APOC4: variants seen among roughly 807,000 people sequenced by gnomAD.
APOC4 encodes apolipoprotein C-IV.
Under a neutral mutation model 8.4 loss-of-function variants are expected in APOC4, and 10 were observed. The observed-to-expected ratio is 1.19, with a 90% CI of 0.74 to 2.03. APOC4 has a LOEUF of 2.03. APOC4 is among the 30% of genes most tolerant of loss of function. The probability of loss-of-function intolerance (pLI) is 0.00; values close to 1 mark genes in which losing one functional copy is unlikely to be tolerated. For synonymous variants in APOC4, 59 were observed against 65.8 expected (o/e 0.90, Z 0.50); for missense variants, 160 against 156.1 (o/e 1.02, Z -0.13).
intron 2 of APOC4, 30 bp from the exon 3 acceptor site, chr19:44,945,110 G>A (rs764088242): frequency 2.1e-5 from 34 of 1,603,764 alleles, no homozygotes; most frequent in Admixed American, 2.1e-4. Context: ...GAGAGCTGGG[G>A]CCTCCACTGT....
intron 1 of APOC4, 139 bp from the exon 2 acceptor site, chr19:44,944,610 G>A: frequency 1.0e-6 from 1 of 1,001,666 alleles, no homozygotes; most frequent in Non-Finnish European, 1.4e-6. Context: ...GGACACATAA[G>A]GGTAAAGGCA....
intron 1 of APOC4, among the ~76,000 whole-genome samples, chr19:44,943,078 C>T (rs1315077327): frequency 3.3e-5 from 5 of 152,114 alleles, no homozygotes; most frequent in South Asian, 4.2e-4. Context: ...CCCACCACCA[C>T]GCCTGGCTAA....
chr19:44,944,016 TGTCTGCCCCTGG>T (rs1970288501), intron 1 of APOC4, among the ~76,000 whole-genome samples: 1 of 152,102 alleles, frequency 6.6e-6, no homozygotes, highest in South Asian at 2.1e-4. Context: ...GCTAAGCCAA[TGTCTGCCCCTGG>T]GGGCAGAAAG....
At position 44,942,411 on chromosome 19, in the gene APOC4, T is replaced by C. The variant is rs751337487; in HGVS notation, c.76+58T>C. The C allele has an allele frequency of 2.6e-6, 4 of 1,553,734 alleles. No homozygotes were observed. In the African/African-American group the frequency reaches 5.4e-5, roughly 21 times the overall value. ...CACACCTGGTGGGTGTGAGTGTGGC[T>C]GTGTGTCCTGTGGCTCTGTAGCCAC... On this transcript the variant is annotated intron_variant, in intron 1 of 2. Transcript: ENST00000592954.
chr19:44,944,717 G>C (rs1229511388), intron 1 of APOC4, 32 bp from the exon 2 acceptor site: 2 of 1,596,598 alleles, frequency 1.3e-6, no homozygotes, highest in East Asian at 2.2e-5. Context: ...TAGGGTCCCA[G>C]CCTACCCAAG....
Position 44,945,483 on chromosome 19 carries a change from A to C in APOC4, c.*178A>C. 11 of 593,076 alleles carry C rather than the reference A, an allele frequency of 1.9e-5. No individual in the cohort carries two copies. Among genetic ancestry groups the C allele is most frequent in the East Asian group, 3.2e-5 (1 of 31,046 alleles). 36.7% of individuals were successfully genotyped at this position (593,076 alleles called of 1,614,324 possible). On this transcript the variant is annotated 3_prime_UTR_variant, in exon 3 of 3. Transcript: ENST00000592954. ...AAAGTTCATACTTCTCCAATAAATA[A>C]AGTCTCACCTGTGTCCCTGTCTGGA...
Position 44,942,417 on chromosome 19 carries a change from T to A in APOC4, c.76+64T>A, listed in dbSNP as rs1156681667. On this transcript the variant is annotated intron_variant, in intron 1 of 2. Coordinates refer to ENST00000592954, the MANE Select transcript of APOC4 (RefSeq NM_001646.3). ...TGGTGGGTGTGAGTGTGGCTGTGTG[T>A]CCTGTGGCTCTGTAGCCACGTGAGA... 4 of 1,532,226 alleles carry A rather than the reference T, an allele frequency of 2.6e-6. No homozygotes were observed. The East Asian group carries it at 6.9e-5, about 27-fold the overall frequency. 94.9% of individuals were successfully genotyped at this position (1,532,226 alleles called of 1,614,324 possible).
intron 1 of APOC4, among the ~76,000 whole-genome samples, chr19:44,942,568 G>A (rs1271900863): frequency 6.6e-6 from 1 of 152,034 alleles, no homozygotes; most frequent in Non-Finnish European, 1.5e-5. Flanking sequence ...ATCTGTGTGT[G>A]TGCACGTGCG....
chr19:44,942,399 TGTGA>T, intron 1 of APOC4, 46 bp downstream of exon 1: 2 of 1,591,486 alleles, frequency 1.3e-6, no homozygotes, highest in Non-Finnish European at 1.7e-6. Flanking sequence ...ACCTGGTGGG[TGTGA>T]GTGTGGCTGT....
intron 2 of APOC4, 115 bp from the exon 3 acceptor site, chr19:44,945,025 T>A: frequency 6.6e-7 from 1 of 1,520,288 alleles, no homozygotes; most frequent in Non-Finnish European, 8.9e-7. Context: ...CTGGGAGGAG[T>A]GGAGGGTTAG....
Position 44,944,666 on chromosome 19 carries a change from C to T in APOC4, c.77-83C>T, listed in dbSNP as rs981021212. Reference sequence around the variant, plus strand: ...GGGGCTGCCCCTGGGCCACCGGGAGCGACACAGGATGAGCATGGAGGGAAA... The same window carrying T: ...GGGGCTGCCCCTGGGCCACCGGGAGTGACACAGGATGAGCATGGAGGGAAA... On this transcript the variant is annotated intron_variant, in intron 1 of 2. Transcript: ENST00000592954. 1.4e-5 allele frequency: 20 copies of T among 1,475,668 alleles called. No individual in the cohort carries two copies. The East Asian group carries it at 1.5e-4, about 11-fold the overall frequency. 91.4% of individuals were successfully genotyped at this position (1,475,668 alleles called of 1,614,324 possible).
Position 44,942,371 on chromosome 19 carries a change from G to A in APOC4, c.76+18G>A, listed in dbSNP as rs771232936. The stretch of plus-strand genomic sequence containing the variant: ...CATTGGGGGTGAGAAGAAGTGGGTG[G>A]AGGGATGTGGGGCCCACACCTGGTG... On this transcript the variant is annotated intron_variant, in intron 1 of 2. Transcript: ENST00000592954. The A allele has an allele frequency of 1.9e-6, 3 of 1,611,996 alleles. No individual in the cohort carries two copies. In the African/African-American group the frequency reaches 4.0e-5, roughly 22 times the overall value.
At position 44,944,853 on chromosome 19, in the gene APOC4, GT is replaced by G; in HGVS notation, c.182del (p.Val61GlyfsTer2). 6.2e-7 allele frequency: 1 copy of G among 1,608,626 alleles called. No individual in the cohort carries two copies. Among genetic ancestry groups the G allele is most frequent in the Non-Finnish European group, 8.5e-7 (1 of 1,178,134 alleles). On this transcript the variant is annotated frameshift_variant, in exon 2 of 3. Coordinates refer to ENST00000592954, the MANE Select transcript of APOC4 (RefSeq NM_001646.3). LOFTEE classifies it low-confidence loss of function (END_TRUNC). Reference protein sequence around the residue: ...RGRMKELLETVVNRTRDGWQW... With the variant: ...RGRMKELLETXVNRTRDGWQW... ...CAGGATGAAGGAGCTGCTGGAGACA[GT>G]GGTGAACAGGACCAGAGACGGGTGG...
chr19:44,943,568 A>C (rs1258766280), intron 1 of APOC4, among the ~76,000 whole-genome samples: 1 of 151,904 alleles, frequency 6.6e-6, no homozygotes, highest in African/African-American at 2.4e-5. Context: ...TCTACTAAAA[A>C]TACAAAAAAT....
In APOC4 at chr19:44,944,744, C is replaced by T; in HGVS notation, c.77-5C>T. 2.5e-6 allele frequency: 4 copies of T among 1,609,526 alleles called. No individual in the cohort carries two copies. The highest frequency in any genetic ancestry group is 2.2e-5 in the East Asian group (1 of 44,736). ...CTACCCAAGTTGCCCTCTGGTTCCA[C>T]CTAGCATGCCAGCCAGAGGCCCAGG... On this transcript the variant is annotated splice_polypyrimidine_tract_variant and splice_region_variant and intron_variant, in intron 1 of 2. Transcript: ENST00000592954.
rs983598006 is a variant in APOC4, at chr19:44,945,496, G to A, written c.*191G>A. ...CTCCAATAAATAAAGTCTCACCTGT[G>A]TCCCTGTCTGGATCCTTCCCCAGTG... On this transcript the variant is annotated 3_prime_UTR_variant, in exon 3 of 3. Transcript: ENST00000592954. 3 of 568,474 alleles carry A rather than the reference G, an allele frequency of 5.3e-6. No individual in the cohort carries two copies. The highest frequency in any genetic ancestry group is 8.9e-6 in the Non-Finnish European group (3 of 335,440). The allele number at this position is 568,474 out of a possible 1,614,324, so 35.2% of individuals were successfully genotyped here. A position where few individuals can be genotyped will look rare whatever the true frequency, so the allele number is the denominator to read the frequency against.
rs1970298650 is a variant in APOC4, at chr19:44,944,820, G to T, written c.148G>T (p.Val50Leu). 5 of 1,609,748 alleles carry T rather than the reference G, an allele frequency of 3.1e-6. No homozygotes were observed. The East Asian group carries it at 8.9e-5, about 29-fold the overall frequency. ...GCTAAAGATGAGTCGCTGGAGCCTG[G>T]TGAGGGGCAGGATGAAGGAGCTGCT... The part of the protein sequence containing the change: ...PKLKMSRWSL[V>L]RGRMKELLET... The change falls in exon 2 of 3, where the codon GTG becomes TTG. Residue 50 changes from valine to leucine, a missense_variant. By Grantham distance (32) the Val-to-Leu change is conservative. Transcript: ENST00000592954.
chr19:44,943,649 C>G (rs1374750831), intron 1 of APOC4, among the ~76,000 whole-genome samples: 1 of 151,806 alleles, frequency 6.6e-6, no homozygotes, highest in Non-Finnish European at 1.5e-5. Flanking sequence ...ATCACTTGAA[C>G]CCGGGAGGCA....
chr19:44,945,139 G>A lies in APOC4; in HGVS notation c.219-1G>A, dbSNP rs751963712. ...CCACTGTGATGTCCTCTCTCCTGTA[G>A]GAGCCCGAGCACCTTCCGGGGCTTC... is the stretch of plus-strand genomic sequence containing the variant. On this transcript the variant is annotated splice_acceptor_variant, in intron 2 of 2. Coordinates refer to ENST00000592954, the MANE Select transcript of APOC4 (RefSeq NM_001646.3). LOFTEE classifies it high-confidence loss of function. The A allele has an allele frequency of 1.2e-6, 2 of 1,613,422 alleles. No individual in the cohort carries two copies. The highest frequency in any genetic ancestry group is 1.7e-6 in the Non-Finnish European group (2 of 1,179,736).
Sources: allele counts gnomAD v4.1 joint callset (sites outside exome capture counted in the v4.1 genomes callset), GRCh38; gene constraint gnomAD v4.1.1; transcripts MANE v1.5; gene names NCBI Gene and HGNC (gene_info 2026-07-23, HGNC 2026-07-21).